RASSF6: variants seen among roughly 807,000 people sequenced by gnomAD.
The protein encoded by RASSF6 is ras association domain-containing protein 6.
Under a neutral mutation model 44.0 loss-of-function variants are expected in RASSF6, and 52 were observed. The observed-to-expected ratio is 1.18, with a 90% CI of 0.95 to 1.49. RASSF6 has a LOEUF of 1.49. RASSF6 is among the 40% of genes most tolerant of loss of function. The pLI is 0.00. For missense variants in RASSF6, 464 were observed against 393.3 expected (o/e 1.18, Z -1.52); for synonymous variants, 162 against 124.6 (o/e 1.30, Z -2.00).
chr4:73,606,991 C>T (rs938330938), intron 2 of RASSF6, among the ~76,000 whole-genome samples: 7 of 152,160 alleles, frequency 4.6e-5, no homozygotes, highest in East Asian at 1.9e-4. Flanking sequence ...GGGAGACTTC[C>T]TGACACACAG....
At position 73,620,420 on chromosome 4, in the gene RASSF6, G is replaced by A. The variant is rs1371240700; in HGVS notation, c.-167C>T. 2 of 1,542,616 alleles carry A rather than the reference G, an allele frequency of 1.3e-6. No individual in the cohort carries two copies. The highest frequency in any genetic ancestry group is 1.4e-5 in the African/African-American group (1 of 72,440). On this transcript the variant is annotated 5_prime_UTR_variant, in exon 1 of 11. Coordinates refer to ENST00000307439, the MANE Select transcript of RASSF6 (RefSeq NM_177532.5). ...CAGTGCCCTGTCTCTGCCGGGCTGG[G>A]ACTCCGCGAGTCACTCACCTGTAGG...
chr4:73,582,682 C>T (rs1723762471), intron 6 of RASSF6, among the ~76,000 whole-genome samples: 1 of 151,850 alleles, frequency 6.6e-6, no homozygotes. Context: ...CCAAGTATTC[C>T]AAGGCTCTGT....
Position 73,593,583 on chromosome 4 carries a change from C to T in RASSF6, c.155G>A (p.Gly52Asp). The T allele has an allele frequency of 6.2e-7, 1 of 1,613,158 alleles. No individual in the cohort carries two copies. The highest frequency in any genetic ancestry group is 1.6e-4 in the Middle Eastern group (1 of 6,062). The change falls in exon 4 of 11, where the codon GGC becomes GAC. Residue 52 changes from glycine (G) to aspartate (D), a missense_variant. Physicochemically the swap from Gly to Asp is moderately conservative, Grantham distance 94. Coordinates refer to ENST00000307439, the MANE Select transcript of RASSF6 (RefSeq NM_177532.5). ...CAGCATTCCTTCAACAATTAGTTTG[C>T]CATCTTCAGTCTAAGGAAGAAATGA... The part of the protein sequence containing the change: ...LHILYGETED[G>D]KLIVEGMLDI...
At position 73,582,306 on chromosome 4, in the gene RASSF6, T is replaced by A; in HGVS notation, c.568-16A>T. ...AAATTGATGTCTAGAAAAAGAATTG[T>A]CACATAAGTCTTTAAAATTATATTA... On this transcript the variant is annotated splice_polypyrimidine_tract_variant and intron_variant, in intron 6 of 10. Transcript: ENST00000307439. The A allele has an allele frequency of 7.6e-7, 1 of 1,321,612 alleles. No individual in the cohort carries two copies. Among genetic ancestry groups the A allele is most frequent in the South Asian group, 1.3e-5 (1 of 77,462 alleles). The allele number at this position is 1,321,612 out of a possible 1,614,324, so 81.9% of individuals were successfully genotyped here.
At chr4:73,609,074 G>A (rs994574089) in intron 2 of RASSF6, among the ~76,000 whole-genome samples, 5 of 152,186 alleles carry the variant, frequency 3.3e-5, no homozygotes, top group Admixed American at 6.5e-5. Context: ...TGCCTTTTGA[G>A]CTGCCCTTAG....
intron 4 of RASSF6, among the ~76,000 whole-genome samples, chr4:73,590,397 T>C (rs1200997994): frequency 6.6e-6 from 1 of 152,234 alleles, no homozygotes; most frequent in Non-Finnish European, 1.5e-5. Flanking sequence ...AAATCTGTCA[T>C]CCTGCAAGAG....
chr4:73,594,595 A>G (rs544331282), intron 3 of RASSF6, among the ~76,000 whole-genome samples: 23 of 152,304 alleles, frequency 1.5e-4, no homozygotes, highest in South Asian at 1.0e-3. Context: ...TAGGTGCTCT[A>G]TATTACTGTT....
At chr4:73,588,967 A>G (rs564894365) in intron 4 of RASSF6, among the ~76,000 whole-genome samples, 4 of 152,100 alleles carry the variant, frequency 2.6e-5, no homozygotes, top group Non-Finnish European at 5.9e-5. Context: ...ATATTCACTT[A>G]TAGGGAATTT....
chr4:73,587,815 C>T (rs1464120232), intron 5 of RASSF6, 25 bp downstream of exon 5: 10 of 1,450,828 alleles, frequency 6.9e-6, no homozygotes, highest in Non-Finnish European at 9.7e-6. Context: ...TTAAGTCTCC[C>T]AATCAATAAG....
intron 4 of RASSF6, among the ~76,000 whole-genome samples, chr4:73,588,786 A>ATCATCATCG (rs1277162945): frequency 1.3e-5 from 2 of 149,150 alleles, no homozygotes; most frequent in African/African-American, 5.0e-5. Context: ...CTCCATTGTC[A>ATCATCATCG]TCATCATCAT....
At position 73,572,486 on chromosome 4, in the gene RASSF6, AATAAT is replaced by A. The variant is rs1195165801; in HGVS notation, c.*3744_*3748del. On this transcript the variant is annotated 3_prime_UTR_variant, in exon 11 of 11. Coordinates refer to ENST00000307439, the MANE Select transcript of RASSF6 (RefSeq NM_177532.5). ...ATAATTCCATAATGTATACATATAT[AATAAT>A]ATAATATTGTACCCCATAAATACAT... 9 of 152,298 alleles carry A rather than the reference AATAAT, an allele frequency of 5.9e-5. No homozygotes were observed. Among genetic ancestry groups the A allele is most frequent in the African/African-American group, 1.4e-4 (6 of 41,580 alleles). 9.4% of individuals were successfully genotyped at this position (152,298 alleles called of 1,614,324 possible).
chr4:73,582,362 T>A, intron 6 of RASSF6, 72 bp from the exon 7 acceptor site: 1 of 385,002 alleles, frequency 2.6e-6, no homozygotes, highest in Non-Finnish European at 4.1e-6. Context: ...TTGAACATAA[T>A]CTTCTTATAG....
chr4:73,595,911 A>G (rs1724909199), intron 3 of RASSF6, among the ~76,000 whole-genome samples: 1 of 152,176 alleles, frequency 6.6e-6, no homozygotes, highest in African/African-American at 2.4e-5. Context: ...CTGTAGATTT[A>G]AGCCAAATCA....
At chr4:73,593,019 ATTTT>A (rs11287305) in intron 4 of RASSF6, among the ~76,000 whole-genome samples, 1 of 133,656 alleles carries the variant, frequency 7.5e-6, no homozygotes, top group South Asian at 2.4e-4. Flanking sequence ...AGTTGCTGGG[ATTTT>A]TTTTTTTTTT....
Position 73,585,680 on chromosome 4 carries a change from T to G in RASSF6, c.383-316A>C, listed in dbSNP as rs527571917. ...ATTGGGGAGTGCATTTTGTGGCATT[T>G]CAGAGTGTTAGAGCTGGAATAAACC... On this transcript the variant is annotated intron_variant, in intron 5 of 10. Coordinates refer to ENST00000307439, the MANE Select transcript of RASSF6 (RefSeq NM_177532.5). Among the ~76,000 whole-genome samples, 2 of 152,114 alleles carry G rather than the reference T, an allele frequency of 1.3e-5. 1 individual carries two copies. The highest frequency in any genetic ancestry group is 4.2e-4 in the South Asian group (2 of 4,810).
At chr4:73,598,592 A>C (rs367933749) in intron 3 of RASSF6, 48 bp downstream of exon 3, 53 of 871,366 alleles carry the variant, frequency 6.1e-5, no homozygotes, top group Non-Finnish European at 9.4e-5. Flanking sequence ...GTGTGCACGC[A>C]TGTGTGTGTG....
In RASSF6 at chr4:73,620,276, C is replaced by T; in HGVS notation, c.-35+12G>A. 7.1e-7 allele frequency: 1 copy of T among 1,399,314 alleles called. No individual in the cohort carries two copies. The highest frequency in any genetic ancestry group is 9.3e-7 in the Non-Finnish European group (1 of 1,079,564). 86.7% of individuals were successfully genotyped at this position (1,399,314 alleles called of 1,614,324 possible). ...GGATTAGAAAGTTTTTTTCCCCATC[C>T]CCATTTTTTACCTGTTATTCACACT... On this transcript the variant is annotated intron_variant, in intron 1 of 10. Coordinates refer to ENST00000307439, the MANE Select transcript of RASSF6 (RefSeq NM_177532.5).
At position 73,619,267 on chromosome 4, in the gene RASSF6, T is replaced by C. The variant is rs1333819680; in HGVS notation, c.-35+1021A>G. Among the ~76,000 whole-genome samples the C allele has an allele frequency of 3.9e-5, 6 of 152,218 alleles. 1 individual carries two copies. Among genetic ancestry groups the C allele is most frequent in the African/African-American group, 9.6e-5 (4 of 41,460 alleles). Reference sequence around the variant, plus strand: ...AAATGTGAATTTTTCAAAAGAAAACTGATTGAGTAGCAAATATGTCTGAAT... The same window carrying C: ...AAATGTGAATTTTTCAAAAGAAAACCGATTGAGTAGCAAATATGTCTGAAT... On this transcript the variant is annotated intron_variant, in intron 1 of 10. Transcript: ENST00000307439.
intron 1 of RASSF6, among the ~76,000 whole-genome samples, chr4:73,613,050 A>G (rs1726130374): frequency 6.6e-6 from 1 of 152,110 alleles, no homozygotes; most frequent in East Asian, 1.9e-4. Context: ...GGGAAATCTT[A>G]AAGTCTCCCC....
Sources: gnomAD v4.1 joint callset for allele counts (sites outside exome capture counted in the v4.1 genomes callset) on GRCh38, gnomAD v4.1.1 for gene constraint, MANE v1.5 for transcripts, NCBI Gene and HGNC (gene_info 2026-07-23, HGNC 2026-07-21) for gene names.